Variants in SYN2 observed in about 807,000 individuals in gnomAD.
The protein encoded by SYN2 is synapsin II.
A neutral mutation model predicts 50.9 loss-of-function variants in SYN2; 19 were observed. The observed-to-expected ratio is 0.37, with a 90% CI of 0.26 to 0.55. The LOEUF (loss-of-function observed/expected upper bound fraction) is 0.55, where lower values mean the gene tolerates loss of function less well. SYN2 is among the 20% of genes least tolerant of loss of function. SYN2 has a pLI of 0.81. For synonymous variants in SYN2, 255 were observed against 224.9 expected, an observed-to-expected ratio of 1.13 and a Z score of -1.20; for missense variants, 587 against 576.4, an observed-to-expected ratio of 1.02 and a Z score of -0.19.
chr3:12,022,815 TG>T (rs1694171381), intron 1 of SYN2, among the ~76,000 whole-genome samples: 1 of 152,102 alleles, frequency 6.6e-6, no homozygotes. Context: ...CCCAAAGTGC[TG>T]GGATGACAGG....
At chr3:12,140,376 A>G (rs1242669135) in intron 1 of SYN2, among the ~76,000 whole-genome samples, 1 of 152,234 alleles carries the variant, frequency 6.6e-6, no homozygotes, top group Non-Finnish European at 1.5e-5. Context: ...TCCTATTTCT[A>G]GATGCGTTTT....
Position 12,150,032 on chromosome 3 carries a change from T to C in SYN2, c.685-1205T>C, listed in dbSNP as rs1298286817. Among the ~76,000 whole-genome samples, 3 of 152,224 alleles carry C rather than the reference T, an allele frequency of 2.0e-5. No homozygotes were observed. The East Asian group carries it at 5.8e-4, about 29-fold the overall frequency. ...AACAAGAATCAGAAGATTCCAGTTT[T>C]CTAACAACCCAGTTCCGAGCTTTTA... On this transcript the variant is annotated intron_variant, in intron 4 of 12. Coordinates refer to ENST00000621198, the MANE Select transcript of SYN2 (RefSeq NM_133625.6).
At position 12,141,886 on chromosome 3, in the gene SYN2, C is replaced by A. The variant is rs746395585; in HGVS notation, c.436-19C>A. On this transcript the variant is annotated intron_variant, in intron 2 of 12. Coordinates refer to ENST00000621198, the MANE Select transcript of SYN2 (RefSeq NM_133625.6). ...TGAAGTCAGGATTGTGAACTTATTC[C>A]CCTGTTATTATTTTCCAGGCAGAAT... 1 of 780,426 alleles carries A rather than the reference C, an allele frequency of 1.3e-6. No homozygotes were observed. Among genetic ancestry groups the A allele is most frequent in the African/African-American group, 1.7e-5 (1 of 59,082 alleles). 48.3% of individuals were successfully genotyped at this position (780,426 alleles called of 1,614,324 possible).
chr3:12,057,255 G>A (rs75055685), intron 1 of SYN2, among the ~76,000 whole-genome samples: 7,234 of 151,500 alleles, frequency 0.048, 244 homozygotes, highest in East Asian at 0.14. Flanking sequence ...TCGTGCCACT[G>A]CACTCCAACC....
intron 10 of SYN2, among the ~76,000 whole-genome samples, chr3:12,170,980 T>G (rs551472173): frequency 1.3e-5 from 2 of 152,358 alleles, no homozygotes; most frequent in East Asian, 3.9e-4. Flanking sequence ...CACTGATATC[T>G]AGAGACCTTT....
intron 5 of SYN2, among the ~76,000 whole-genome samples, chr3:12,155,538 AGC>A (rs1167837278): frequency 6.6e-6 from 1 of 152,194 alleles, no homozygotes; most frequent in East Asian, 1.9e-4. Flanking sequence ...AACCACAGGT[AGC>A]TGAGTTCAGT....
chr3:12,183,496 G>A, intron 11 of SYN2, 124 bp downstream of exon 11: 1 of 1,592,738 alleles, frequency 6.3e-7, no homozygotes, highest in Non-Finnish European at 8.5e-7. Flanking sequence ...ACAAACGAAA[G>A]GAAAGCGGGG....
chr3:12,111,221 G>A (rs944275770), intron 1 of SYN2, among the ~76,000 whole-genome samples: 2 of 152,186 alleles, frequency 1.3e-5, no homozygotes, highest in Admixed American at 6.5e-5. Flanking sequence ...GAGTTCCCCT[G>A]CGGAAGTTCT....
intron 4 of SYN2, among the ~76,000 whole-genome samples, chr3:12,146,466 T>C (rs1039926728): frequency 6.6e-6 from 1 of 152,194 alleles, no homozygotes; most frequent in Non-Finnish European, 1.5e-5. Context: ...AGAAAACTAC[T>C]TACTATAGGA....
chr3:12,173,231 T>C (rs1480229039), intron 10 of SYN2, among the ~76,000 whole-genome samples: 3 of 152,212 alleles, frequency 2.0e-5, no homozygotes, highest in Non-Finnish European at 4.4e-5. Flanking sequence ...AAGCCATGAC[T>C]GTACTGGTCA....
rs184922236 is a variant in SYN2, at chr3:12,108,595, G to A, written c.378-32056G>A. ...CAAGATAGTTGCTTTTTCCACCTCC[G>A]GTTCCATTCTTTTTAAATACAGAGT... On this transcript the variant is annotated intron_variant, in intron 1 of 12. Coordinates refer to ENST00000621198, the MANE Select transcript of SYN2 (RefSeq NM_133625.6). 8.5e-4 allele frequency among the ~76,000 whole-genome samples: 130 copies of A among 152,048 alleles called. 1 individual carries two copies. The highest frequency in any genetic ancestry group is 2.1e-3 in the Admixed American group (32 of 15,268).
chr3:12,111,691 A>G (rs1049000596), intron 1 of SYN2, among the ~76,000 whole-genome samples: 6 of 152,148 alleles, frequency 3.9e-5, no homozygotes, highest in Admixed American at 3.9e-4. Flanking sequence ...ATGTCAATAT[A>G]TTACCCACTC....
chr3:12,154,461 G>A, intron 5 of SYN2: 1 of 1,613,916 alleles, frequency 6.2e-7, no homozygotes, highest in South Asian at 1.1e-5. Flanking sequence ...CCTTCAAGGG[G>A]AGATGGAGGA....
At position 12,187,921 on chromosome 3, in the gene SYN2, C is replaced by G. The variant is rs80354511; in HGVS notation, c.1613+309C>G. On this transcript the variant is annotated intron_variant, in intron 12 of 12. Coordinates refer to ENST00000621198, the MANE Select transcript of SYN2 (RefSeq NM_133625.6). ...AGTGGCACTACGGCAGAGTCACTGTCCCTTCTCTAGTCTTGTACTAGCTTA... is the reference window on the plus strand; with the variant it reads ...AGTGGCACTACGGCAGAGTCACTGTGCCTTCTCTAGTCTTGTACTAGCTTA... 8.5e-4 allele frequency among the ~76,000 whole-genome samples: 130 copies of G among 152,212 alleles called. 2 individuals are homozygous for G. The East Asian group carries it at 0.024, about 29-fold the overall frequency.
intron 1 of SYN2, among the ~76,000 whole-genome samples, chr3:12,133,195 A>G (rs975070087): frequency 2.6e-5 from 4 of 152,230 alleles, no homozygotes; most frequent in African/African-American, 7.2e-5. Flanking sequence ...AGAGCATTTG[A>G]TATAACAATT....
chr3:12,151,225 T>C lies in SYN2; in HGVS notation c.685-12T>C. The C allele has an allele frequency of 6.2e-7, 1 of 1,604,602 alleles. No homozygotes were observed. The highest frequency in any genetic ancestry group is 8.5e-7 in the Non-Finnish European group (1 of 1,174,304). On this transcript the variant is annotated splice_polypyrimidine_tract_variant and intron_variant, in intron 4 of 12. Coordinates refer to ENST00000621198, the MANE Select transcript of SYN2 (RefSeq NM_133625.6). ...TCTAAGATAAGCTGTAACATTTGCTTTTCTTTTGCAGTTTGCCCAGCTGGT... is the reference window on the plus strand; with the variant it reads ...TCTAAGATAAGCTGTAACATTTGCTCTTCTTTTGCAGTTTGCCCAGCTGGT...
chr3:12,105,027 C>G (rs1468586939), intron 1 of SYN2, among the ~76,000 whole-genome samples: 1 of 152,100 alleles, frequency 6.6e-6, no homozygotes, highest in East Asian at 1.9e-4. Context: ...TTTCTGAAGC[C>G]TTAATCATCC....
intron 12 of SYN2, among the ~76,000 whole-genome samples, chr3:12,187,896 A>G (rs1698378129): frequency 6.6e-6 from 1 of 152,122 alleles, no homozygotes; most frequent in Non-Finnish European, 1.5e-5. Context: ...CTTCCTGGGA[A>G]GTGGCACTAC....
At chr3:12,009,964 G>C (rs1267381024) in intron 1 of SYN2, among the ~76,000 whole-genome samples, 1 of 152,146 alleles carries the variant, frequency 6.6e-6, no homozygotes, top group Non-Finnish European at 1.5e-5. Context: ...TTGTTGCGGT[G>C]TGTGCCTGTA....
Sources: allele counts gnomAD v4.1 joint callset (sites outside exome capture counted in the v4.1 genomes callset), GRCh38; gene constraint gnomAD v4.1.1; transcripts MANE v1.5; gene names NCBI Gene and HGNC (gene_info 2026-07-23, HGNC 2026-07-21).